The following FHIT variants were observed in gnomAD, a reference collection of about 807,000 sequenced individuals.
The protein encoded by FHIT is fragile histidine triad diadenosine triphosphatase, also known as bis(5'-adenosyl)-triphosphatase.
A neutral mutation model predicts 17.9 loss-of-function variants in FHIT; 19 were observed. That is an observed-to-expected ratio of 1.06 (90% confidence interval 0.74 to 1.56). FHIT has a LOEUF of 1.56. Among genes scored for constraint, FHIT ranks in the 40% most tolerant of loss-of-function variants. FHIT has a pLI of 0.00. For missense variants in FHIT, 248 were observed against 189.2 expected, an observed-to-expected ratio of 1.31 and a Z score of -1.82; for synonymous variants, 81 against 69.7, an observed-to-expected ratio of 1.16 and a Z score of -0.81.
intron 5 of FHIT, among the ~76,000 whole-genome samples, chr3:60,518,060 T>C (rs1487499178): frequency 6.6e-6 from 1 of 151,830 alleles, no homozygotes; most frequent in East Asian, 1.9e-4. Context: ...GAAAACTCAT[T>C]CAAAAAAAAT....
chr3:60,464,129 G>A (rs1243782579), intron 5 of FHIT, among the ~76,000 whole-genome samples: 1 of 152,072 alleles, frequency 6.6e-6, no homozygotes, highest in East Asian at 1.9e-4. Context: ...GCAGAACTGA[G>A]TTCACTAAAA....
chr3:60,688,522 C>G (rs2040913148), intron 4 of FHIT, among the ~76,000 whole-genome samples: 1 of 151,792 alleles, frequency 6.6e-6, no homozygotes, highest in Non-Finnish European at 1.5e-5. Flanking sequence ...CCCTTCACCT[C>G]CTGGGTTCAA....
chr3:60,030,349 C>T (rs1295263099), intron 5 of FHIT, among the ~76,000 whole-genome samples: 1 of 152,060 alleles, frequency 6.6e-6, no homozygotes, highest in East Asian at 1.9e-4. Context: ...CACTATAGGC[C>T]CTTTCTGTAG....
chr3:59,792,825 CCAT>C (rs1389420119), intron 8 of FHIT, among the ~76,000 whole-genome samples: 1 of 150,316 alleles, frequency 6.7e-6, no homozygotes, highest in Non-Finnish European at 1.5e-5. Context: ...GTTCACCCAA[CCAT>C]CATATCAAAT....
In FHIT at chr3:60,439,852, C is replaced by T. The variant is rs1363868499; in HGVS notation, c.103+97008G>A. Among the ~76,000 whole-genome samples, 4 of 152,174 alleles carry T rather than the reference C, an allele frequency of 2.6e-5. 1 individual carries two copies. Among genetic ancestry groups the T allele is most frequent in the African/African-American group, 9.6e-5 (4 of 41,530 alleles). ...GTGTCTTTGGGCTTGTTCAAAAGTACACCCCTTCTTTCTTTGTGCTGTGGG... is the reference window on the plus strand; with the variant it reads ...GTGTCTTTGGGCTTGTTCAAAAGTATACCCCTTCTTTCTTTGTGCTGTGGG... On this transcript the variant is annotated intron_variant, in intron 5 of 9. Coordinates refer to ENST00000492590, the MANE Select transcript of FHIT (RefSeq NM_002012.4).
chr3:61,017,538 T>C (rs2032181720), intron 3 of FHIT, among the ~76,000 whole-genome samples: 1 of 152,228 alleles, frequency 6.6e-6, no homozygotes, highest in Non-Finnish European at 1.5e-5. Context: ...AGGAATCCGA[T>C]GTATCATTCA....
chr3:60,448,818 C>T (rs1024001638), intron 5 of FHIT, among the ~76,000 whole-genome samples: 3 of 152,146 alleles, frequency 2.0e-5, no homozygotes, highest in Non-Finnish European at 4.4e-5. Flanking sequence ...TCACTAAGAA[C>T]ATGGTTTATG....
intron 2 of FHIT, among the ~76,000 whole-genome samples, chr3:61,192,471 A>T (rs1297252234): frequency 6.6e-6 from 1 of 152,198 alleles, no homozygotes; most frequent in Non-Finnish European, 1.5e-5. Flanking sequence ...GATTCCAGAC[A>T]TTTGGAGCCA....
intron 5 of FHIT, among the ~76,000 whole-genome samples, chr3:60,137,605 A>C (rs777407326): frequency 6.6e-6 from 1 of 152,178 alleles, no homozygotes; most frequent in Non-Finnish European, 1.5e-5. Context: ...ACACTGATGG[A>C]GACAAAGCTT....
intron 4 of FHIT, among the ~76,000 whole-genome samples, chr3:60,599,198 G>T (rs868960141): frequency 6.6e-6 from 1 of 152,074 alleles, no homozygotes; most frequent in Middle Eastern, 3.2e-3. Flanking sequence ...GTAATAACTT[G>T]CATTGTCTAT....
intron 2 of FHIT, among the ~76,000 whole-genome samples, chr3:61,127,973 T>C (rs1423044286): frequency 6.6e-6 from 1 of 152,248 alleles, no homozygotes; most frequent in Non-Finnish European, 1.5e-5. Context: ...TAAAAGAGGC[T>C]TTGTTAAAAC....
chr3:59,987,058 A>C (rs1428079689), intron 7 of FHIT, among the ~76,000 whole-genome samples: 3 of 62,034 alleles, frequency 4.8e-5, no homozygotes, highest in African/African-American at 1.1e-4. Flanking sequence ...AAAATATAAA[A>C]TATATCTATA....
chr3:60,690,567 G>A (rs1577072885), intron 4 of FHIT: 2 of 548,098 alleles, frequency 3.6e-6, no homozygotes, highest in African/African-American at 3.8e-5. Context: ...TGTGAAAGCA[G>A]TAACCCTCAT....
In FHIT at chr3:60,536,927, G is replaced by C. The variant is rs943549053; in HGVS notation, c.36C>G (p.Pro12=). ...GTTCTGTTTTGAGAAACACTACAGA[G>C]GGCTTGATGAGATGTTGGCCAAATC... The part of the protein sequence containing the change: ...SFRFGQHLIK[P]SVVFLKTELS... Residue 12 remains proline, a synonymous_variant, in exon 5 of 10, where the codon CCC becomes CCG. Coordinates refer to ENST00000492590, the MANE Select transcript of FHIT (RefSeq NM_002012.4). The C allele has an allele frequency of 6.2e-7, 1 of 1,613,076 alleles. No homozygotes were observed. Among genetic ancestry groups the C allele is most frequent in the Non-Finnish European group, 8.5e-7 (1 of 1,179,434 alleles).
intron 3 of FHIT, among the ~76,000 whole-genome samples, chr3:60,900,895 A>G (rs1475408486): frequency 6.6e-6 from 1 of 152,164 alleles, no homozygotes; most frequent in Non-Finnish European, 1.5e-5. Flanking sequence ...CCCTTGCCTC[A>G]GCCTTCCAAG....
chr3:61,130,109 T>A (rs1359274558), intron 2 of FHIT, among the ~76,000 whole-genome samples: 1 of 152,052 alleles, frequency 6.6e-6, no homozygotes, highest in Non-Finnish European at 1.5e-5. Flanking sequence ...AAGACCAGAG[T>A]CTAGTAAGAG....
intron 4 of FHIT, among the ~76,000 whole-genome samples, chr3:60,789,845 T>A (rs1553728041): frequency 1.3e-5 from 2 of 152,338 alleles, no homozygotes; most frequent in East Asian, 3.9e-4. Context: ...CAATGTTGGT[T>A]TAAAACTATA....
At chr3:60,003,694 G>A (rs531262036) in intron 7 of FHIT, among the ~76,000 whole-genome samples, 2 of 151,514 alleles carry the variant, frequency 1.3e-5, no homozygotes, top group East Asian at 3.9e-4. Context: ...TTAATAAGCC[G>A]AGATCACACC....
At chr3:61,226,756 T>G (rs984423299) in intron 1 of FHIT, among the ~76,000 whole-genome samples, 20 of 152,200 alleles carry the variant, frequency 1.3e-4, no homozygotes, top group African/African-American at 4.3e-4. Context: ...CATACACAAA[T>G]GCAAATGCAA....
Sources: allele counts gnomAD v4.1 joint callset (sites outside exome capture counted in the v4.1 genomes callset), GRCh38; gene constraint gnomAD v4.1.1; transcripts MANE v1.5; gene names NCBI Gene and HGNC (gene_info 2026-07-23, HGNC 2026-07-21).